HIBCH: variants seen among roughly 807,000 people sequenced by gnomAD.
HIBCH encodes the protein 3-hydroxyisobutyryl-CoA hydrolase.
Under a neutral mutation model 58.2 loss-of-function variants are expected in HIBCH, and 50 were observed. That is an observed-to-expected ratio of 0.86 (90% CI 0.68 to 1.09). The LOEUF is 1.09. Among genes scored for constraint, HIBCH ranks in the 50% least tolerant of loss-of-function variants. The pLI, the probability that HIBCH is intolerant of heterozygous loss-of-function variation, is 0.00. For missense variants in HIBCH, 450 were observed against 449.7 expected (o/e 1.00, Z -0.01); for synonymous variants, 151 against 146.9 (o/e 1.03, Z -0.20).
At position 190,243,083 on chromosome 2, in the gene HIBCH, T is replaced by C. The variant is rs1359784418; in HGVS notation, c.891+1804A>G. ...TGACTGGACTGAAGGATACAAAGTA[T>C]TGATCCTGGATGTGTCTGTGAGGGT... On this transcript the variant is annotated intron_variant, in intron 11 of 13. Coordinates refer to ENST00000359678, the MANE Select transcript of HIBCH (RefSeq NM_014362.4). The surrounding 1 kb of genome is among the most constrained non-coding windows in gnomAD (Gnocchi z 4.1). Among the ~76,000 whole-genome samples the C allele has an allele frequency of 1.3e-5, 2 of 152,192 alleles. No homozygotes were observed. The highest frequency in any genetic ancestry group is 2.4e-5 in the African/African-American group (1 of 41,436).
intron 1 of HIBCH, among the ~76,000 whole-genome samples, chr2:190,196,953 G>A (rs1690009200): frequency 6.6e-6 from 1 of 152,094 alleles, no homozygotes; most frequent in South Asian, 2.1e-4. Context: ...ATTTCTCATG[G>A]TTCTGGAGGC....
chr2:190,287,203 A>T (rs1050216429), intron 6 of HIBCH, among the ~76,000 whole-genome samples: 2 of 152,158 alleles, frequency 1.3e-5, no homozygotes, highest in African/African-American at 4.8e-5. Context: ...CTGAGATCAC[A>T]GGTGTGTGCC....
At chr2:190,272,240 ACT>A (rs1206772425) in intron 6 of HIBCH, among the ~76,000 whole-genome samples, 4 of 152,170 alleles carry the variant, frequency 2.6e-5, no homozygotes, top group African/African-American at 7.2e-5. Flanking sequence ...TGTTTTGTTC[ACT>A]GTTTTATCAC....
At chr2:190,245,638 T>C (rs1479651884) in intron 10 of HIBCH, among the ~76,000 whole-genome samples, 1 of 152,022 alleles carries the variant, frequency 6.6e-6, no homozygotes, top group African/African-American at 2.4e-5. Context: ...ATTACTTAAA[T>C]ATAATGAATT....
intron 7 of HIBCH, among the ~76,000 whole-genome samples, chr2:190,253,126 T>C (rs543576121): frequency 6.6e-6 from 1 of 151,944 alleles, no homozygotes; most frequent in Non-Finnish European, 1.5e-5. Context: ...GAGGCAGAGG[T>C]TGCAGTGAGC....
intron 11 of HIBCH, among the ~76,000 whole-genome samples, chr2:190,226,779 C>A (rs905879468): frequency 1.3e-5 from 2 of 152,082 alleles, no homozygotes; most frequent in Non-Finnish European, 2.9e-5. Context: ...TTCCTATACA[C>A]CATTAACAGA....
intron 1 of HIBCH, among the ~76,000 whole-genome samples, chr2:190,198,101 T>C (rs576722656): frequency 3.2e-4 from 48 of 152,244 alleles, no homozygotes; most frequent in African/African-American, 1.0e-3. Context: ...TTAACATCTC[T>C]GAAGTATGCA....
intron 5 of HIBCH, among the ~76,000 whole-genome samples, chr2:190,289,489 G>C (rs2105984104): frequency 6.6e-6 from 1 of 152,250 alleles, no homozygotes. Flanking sequence ...AATGACAATG[G>C]TTGTTTTTGA....
Position 190,209,859 on chromosome 2 carries a change from G to A in HIBCH, c.1012-946C>T, listed in dbSNP as rs756327228. Among the ~76,000 whole-genome samples, 4 of 152,094 alleles carry A rather than the reference G, an allele frequency of 2.6e-5. No individual in the cohort carries two copies. The highest frequency in any genetic ancestry group is 5.9e-5 in the Non-Finnish European group (4 of 68,030). On this transcript the variant is annotated intron_variant, in intron 12 of 13. Transcript: ENST00000359678. The surrounding 1 kb of genome is among the most constrained non-coding windows in gnomAD (Gnocchi z 5.6). Reference sequence around the variant, plus strand: ...AGCTACATATTAACTATGTGACCTCGGACTAGTAATTTCTCCAACCCTAGT... The same window carrying A: ...AGCTACATATTAACTATGTGACCTCAGACTAGTAATTTCTCCAACCCTAGT...
intron 6 of HIBCH, among the ~76,000 whole-genome samples, chr2:190,266,677 G>A (rs1235769916): frequency 2.0e-5 from 3 of 148,754 alleles, no homozygotes; most frequent in Admixed American, 1.3e-4. Flanking sequence ...CAGGTGACGC[G>A]CCCGCCTCGG....
At chr2:190,294,497 A>G in intron 4 of HIBCH, 49 bp downstream of exon 4, 1 of 1,144,128 alleles carries the variant, frequency 8.7e-7, no homozygotes, top group South Asian at 1.2e-5. Flanking sequence ...ATACTTGATC[A>G]GTTCTAGTAG....
In HIBCH at chr2:190,261,226, A is replaced by T. The variant is rs199530841; in HGVS notation, c.447T>A (p.Gly149=). 1.2e-6 allele frequency: 2 copies of T among 1,612,782 alleles called. No homozygotes were observed. Among genetic ancestry groups the T allele is most frequent in the African/African-American group, 2.7e-5 (2 of 74,972 alleles). Residue 149 remains glycine, a synonymous_variant, in exon 7 of 14, where the codon GGT becomes GGA. Transcript: ENST00000359678. ...IHGITMGGGV[G]LSVHGQFRVA... ...CTCGAAATTGCCCATGGACTGAGAG[A>T]CCAACTCCCTAGAGAAAAAAGGCAA...
At chr2:190,284,346 G>C (rs1687780030) in intron 6 of HIBCH, among the ~76,000 whole-genome samples, 1 of 152,054 alleles carries the variant, frequency 6.6e-6, no homozygotes, top group Non-Finnish European at 1.5e-5. Flanking sequence ...CTTCAGAAAT[G>C]ATGTGCTAGA....
In HIBCH at chr2:190,312,967, T is replaced by A. The variant is rs951481852; in HGVS notation, c.36-2171A>T. 7.9e-5 allele frequency among the ~76,000 whole-genome samples: 12 copies of A among 152,258 alleles called. No homozygotes were observed. In the East Asian group the frequency reaches 2.1e-3, roughly 27 times the overall value. On this transcript the variant is annotated intron_variant, in intron 1 of 13. Coordinates refer to ENST00000359678, the MANE Select transcript of HIBCH (RefSeq NM_014362.4). ...TACAAAAATTAGCCAGGCATGGTGG[T>A]GGGCGCCTGTAATCCCAGCTACTCA...
At chr2:190,278,118 C>T (rs959239414) in intron 6 of HIBCH, among the ~76,000 whole-genome samples, 33 of 152,282 alleles carry the variant, frequency 2.2e-4, no homozygotes, top group Admixed American at 1.7e-3. Flanking sequence ...CTCCCCTCCC[C>T]CTAGAATCAT....
rs1553505742 is a variant in HIBCH, at chr2:190,294,020, G to GTGTGTATATA, written c.304+525_304+526insTATATACACA. Among the ~76,000 whole-genome samples, 5 of 125,836 alleles carry GTGTGTATATA rather than the reference G, an allele frequency of 4.0e-5. No individual in the cohort carries two copies. In the East Asian group the frequency reaches 1.4e-3, roughly 36 times the overall value. 82.6% of individuals were successfully genotyped at this position (125,836 alleles called of 152,430 possible). A position where few individuals can be genotyped will look rare whatever the true frequency, so the allele number is the denominator to read the frequency against. On this transcript the variant is annotated intron_variant, in intron 4 of 13. Coordinates refer to ENST00000359678, the MANE Select transcript of HIBCH (RefSeq NM_014362.4). ...ATATATTTTGTAATATATATTTTGT[G>GTGTGTATATA]TGTATATATATATATATATATATAT...
chr2:190,294,020 GTGTATATATATATATATATA>G (rs1336557163), intron 4 of HIBCH, among the ~76,000 whole-genome samples: 1 of 125,876 alleles, frequency 7.9e-6, no homozygotes, highest in Non-Finnish European at 1.6e-5. Flanking sequence ...TATATTTTGT[GTGTATATATATATATATATA>G]TATATATATA....
chr2:190,271,494 T>C (rs564901047), intron 6 of HIBCH, among the ~76,000 whole-genome samples: 2 of 152,098 alleles, frequency 1.3e-5, no homozygotes, highest in South Asian at 4.2e-4. Flanking sequence ...TTTCGCCATG[T>C]TGGCCAGGCT....
downstream of HIBCH, among the ~76,000 whole-genome samples, chr2:190,199,095 CA>C (rs1690116747): frequency 6.6e-6 from 1 of 152,054 alleles, no homozygotes; most frequent in South Asian, 2.1e-4. Flanking sequence ...AATATGTGAC[CA>C]GGGGATAAAG....
Sources: allele counts gnomAD v4.1 joint callset (sites outside exome capture counted in the v4.1 genomes callset), GRCh38; gene constraint gnomAD v4.1.1; non-coding constraint Gnocchi (gnomAD v3.1); transcripts MANE v1.5; gene names NCBI Gene and HGNC (gene_info 2026-07-23, HGNC 2026-07-21).